INTS8: variants seen among roughly 807,000 people sequenced by gnomAD.
INTS8 encodes protein kaonashi-1.
A neutral mutation model predicts 138.9 loss-of-function variants in INTS8; 47 were observed. That is an observed-to-expected ratio of 0.34 (90% CI 0.27 to 0.43). INTS8 has a LOEUF of 0.43. Among genes scored for constraint, INTS8 ranks in the 20% least tolerant of loss-of-function variants. The probability of loss-of-function intolerance (pLI) is 1.00; values close to 1 mark genes in which losing one functional copy is unlikely to be tolerated. For synonymous variants in INTS8, 392 were observed against 400.9 expected (o/e 0.98, Z 0.27); for missense variants, 996 against 1,173.0 (o/e 0.85, Z 2.20).
intron 15 of INTS8, 84 bp downstream of exon 15, chr8:94,857,062 GTTTGTAATCT>G: frequency 4.4e-6 from 3 of 685,554 alleles, no homozygotes; most frequent in Non-Finnish European, 7.2e-6. Flanking sequence ...ATTTATTTGA[GTTTGTAATCT>G]TTTTTTTTTT....
chr8:94,877,834 G>C (rs1000733174), intron 26 of INTS8, among the ~76,000 whole-genome samples: 1 of 152,120 alleles, frequency 6.6e-6, no homozygotes, highest in Non-Finnish European at 1.5e-5. Context: ...AGCCCCTCAC[G>C]ATCAGTGGGA....
rs189699854 is a variant in INTS8, at chr8:94,843,664, C to A, written c.1260+1176C>A. Among the ~76,000 whole-genome samples the A allele has an allele frequency of 2.8e-3, 420 of 152,098 alleles. 4 individuals are homozygous for A. Among genetic ancestry groups the A allele is most frequent in the African/African-American group, 9.5e-3 (394 of 41,496 alleles). ...GTGTTTTATAGTTTTTGGCTGTATACACATATGATGGAGGGACATTTGTGT... is the reference window on the plus strand; with the variant it reads ...GTGTTTTATAGTTTTTGGCTGTATAAACATATGATGGAGGGACATTTGTGT... On this transcript the variant is annotated intron_variant, in intron 10 of 26. Transcript: ENST00000523731.
chr8:94,829,440 A>T (rs914744373), intron 5 of INTS8, among the ~76,000 whole-genome samples: 4 of 152,052 alleles, frequency 2.6e-5, no homozygotes, highest in South Asian at 2.1e-4. Context: ...GTGTGAATCT[A>T]ATGCCCCCAT....
rs748388689 is a variant in INTS8 at position 94,850,047 on chromosome 8, T to C, written c.1463T>C (p.Val488Ala). 2.2e-5 allele frequency: 36 copies of C among 1,612,612 alleles called. No homozygotes were observed. Among genetic ancestry groups the C allele is most frequent in the Middle Eastern group, 3.3e-4 (2 of 6,084 alleles). Residue 488 changes from valine to alanine, a missense_variant, in exon 12 of 27, where the codon GTA (valine) becomes GCA (alanine). By Grantham distance (64) the Val-to-Ala change is moderately conservative. Coordinates refer to ENST00000523731, the MANE Select transcript of INTS8 (RefSeq NM_017864.4). ...VDQMRKRSPR[V>A]NLCIKPVTSF... Reference sequence around the variant, plus strand: ...CAGATGAGGAAGAGATCCCCTAGAGTAAATCTGTGCATTAAACCTGTAACT... The same window carrying C: ...CAGATGAGGAAGAGATCCCCTAGAGCAAATCTGTGCATTAAACCTGTAACT...
chr8:94,833,819 T>G (rs564033743), intron 6 of INTS8, among the ~76,000 whole-genome samples: 3 of 152,358 alleles, frequency 2.0e-5, no homozygotes, highest in Admixed American at 6.5e-5. Flanking sequence ...TTGCCCAGAC[T>G]AGAGTGCAAT....
intron 1 of INTS8, 121 bp from the exon 2 acceptor site, chr8:94,824,772 A>AC: frequency 3.1e-6 from 1 of 324,924 alleles, no homozygotes. Context: ...GTGGCAAAAA[A>AC]AAAACCCAAA....
rs756339285 is a variant in INTS8 at position 94,850,056 on chromosome 8, G to A, written c.1472G>A (p.Cys491Tyr). The change falls in exon 12 of 27, where the codon TGC becomes TAC. Residue 491 changes from cysteine (C) to tyrosine (Y), a missense_variant. Physicochemically the swap from Cys to Tyr is radical, Grantham distance 194. Coordinates refer to ENST00000523731, the MANE Select transcript of INTS8 (RefSeq NM_017864.4). ...MRKRSPRVNL[C>Y]IKPVTSFYDI... ...AAGAGATCCCCTAGAGTAAATCTGT[G>A]CATTAAACCTGTAACTTCATTTTAT... 2 of 1,607,836 alleles carry A rather than the reference G, an allele frequency of 1.2e-6. No homozygotes were observed. The highest frequency in any genetic ancestry group is 2.2e-5 in the East Asian group (1 of 44,618).
At chr8:94,865,811 T>G in intron 17 of INTS8, 121 bp downstream of exon 17, 3 of 938,742 alleles carry the variant, frequency 3.2e-6, no homozygotes, top group Non-Finnish European at 4.8e-6. Context: ...TATCATAAAG[T>G]TGGACAATCT....
intron 26 of INTS8, among the ~76,000 whole-genome samples, chr8:94,878,794 A>T (rs1296820013): frequency 6.6e-6 from 1 of 152,210 alleles, no homozygotes; most frequent in Non-Finnish European, 1.5e-5. Context: ...GATCCAGTGG[A>T]TACTTTTCAG....
chr8:94,863,514 T>G (rs2131055822), intron 16 of INTS8, among the ~76,000 whole-genome samples: 1 of 152,380 alleles, frequency 6.6e-6, no homozygotes, highest in East Asian at 1.9e-4. Flanking sequence ...TACTGTTGAC[T>G]TATTTCTTTT....
Position 94,865,617 on chromosome 8 carries a change from C to A in INTS8, c.2188C>A (p.Gln730Lys), listed in dbSNP as rs1816152368. The A allele has an allele frequency of 6.2e-7, 1 of 1,614,052 alleles. No homozygotes were observed. Among genetic ancestry groups the A allele is most frequent in the East Asian group, 2.2e-5 (1 of 44,882 alleles). The change falls in exon 17 of 27, where the codon CAG becomes AAG. Residue 730 changes from glutamine to lysine, a missense_variant. Gln to Lys is a moderately conservative substitution (Grantham distance 53). Transcript: ENST00000523731. ...TGTTCAAATCTGTAGTGTGTCCAGT[C>A]AGCACAAACGAGGAAATGATGGCAG... is the stretch of plus-strand genomic sequence containing the variant. The part of the protein sequence containing the change: ...VVVQICSVSS[Q>K]HKRGNDGRVS...
At chr8:94,835,267 G>A (rs145896447) in intron 6 of INTS8, among the ~76,000 whole-genome samples, 213 of 152,268 alleles carry the variant, frequency 1.4e-3, no homozygotes, top group African/African-American at 4.9e-3. Flanking sequence ...CACTTTCTGG[G>A]CGTTTGTATT....
chr8:94,852,615 T>G (rs1388688504), intron 13 of INTS8, among the ~76,000 whole-genome samples: 3 of 150,180 alleles, frequency 2.0e-5, no homozygotes, highest in Non-Finnish European at 4.4e-5. Context: ...TGAGACTGAG[T>G]TTCACTATTG....
intron 26 of INTS8, among the ~76,000 whole-genome samples, chr8:94,877,031 C>T (rs1226481698): frequency 2.0e-5 from 3 of 152,106 alleles, no homozygotes; most frequent in Non-Finnish European, 4.4e-5. Flanking sequence ...CATTTTTCTC[C>T]GGAACACTTA....
intron 6 of INTS8, among the ~76,000 whole-genome samples, chr8:94,833,584 G>A (rs756091555): frequency 2.0e-5 from 3 of 152,002 alleles, no homozygotes; most frequent in African/African-American, 4.8e-5. Flanking sequence ...TTCAGAACCC[G>A]TTTAAAAGTT....
intron 4 of INTS8, 108 bp from the exon 5 acceptor site, chr8:94,828,867 A>C: frequency 2.8e-6 from 2 of 710,116 alleles, no homozygotes; most frequent in Non-Finnish European, 4.9e-6. Context: ...AACATTAAAA[A>C]CACTCTTAAA....
chr8:94,881,621 A>G lies in INTS8; in HGVS notation c.*1387A>G. On this transcript the variant is annotated 3_prime_UTR_variant, in exon 27 of 27. Transcript: ENST00000523731. ...TTGGTGAATTCCAACTTGTTTGCTT[A>G]GTTATCTTCTTTAGTGTTTTCCTGG... is the stretch of plus-strand genomic sequence containing the variant. 1 of 1,610,242 alleles carries G rather than the reference A, an allele frequency of 6.2e-7. No homozygotes were observed. Among genetic ancestry groups the G allele is most frequent in the East Asian group, 2.2e-5 (1 of 44,804 alleles).
At position 94,832,106 on chromosome 8, in the gene INTS8, A is replaced by C; in HGVS notation, c.685A>C (p.Met229Leu). Residue 229 changes from methionine to leucine, a missense_variant, in exon 6 of 27, where the codon ATG becomes CTG. Coordinates refer to ENST00000523731, the MANE Select transcript of INTS8 (RefSeq NM_017864.4). ...AGATTTATTGGCCATGGAACCAGGC[A>C]TGGTAAATGGAGAAACTGAGAGTTC... ...TLDLLAMEPGMVNGETESSTA... is the reference protein window; with the variant it reads ...TLDLLAMEPGLVNGETESSTA... 6.2e-7 allele frequency: 1 copy of C among 1,613,912 alleles called. No individual in the cohort carries two copies.
At chr8:94,865,408 G>T in intron 16 of INTS8, 98 bp from the exon 17 acceptor site, 1 of 925,126 alleles carries the variant, frequency 1.1e-6, no homozygotes, top group Non-Finnish European at 1.7e-6. Flanking sequence ...GTATGTTTGG[G>T]CAGTCATTCC....
Sources: gnomAD v4.1 joint callset for allele counts (sites outside exome capture counted in the v4.1 genomes callset) on GRCh38, gnomAD v4.1.1 for gene constraint, MANE v1.5 for transcripts, NCBI Gene and HGNC (gene_info 2026-07-23, HGNC 2026-07-21) for gene names.